The following FADS2 variants were observed in gnomAD, a reference collection of about 807,000 sequenced individuals.
FADS2 encodes the protein acyl-CoA 6-desaturase.
FADS2 carries 18 observed loss-of-function variants against 61.2 expected under a neutral mutation model. The observed-to-expected ratio is 0.29, with a 90% CI of 0.20 to 0.44. FADS2 has a LOEUF of 0.44. FADS2 is among the 20% of genes least tolerant of loss of function. FADS2 has a pLI of 1.00. For missense variants in FADS2, 322 were observed against 572.7 expected, an observed-to-expected ratio of 0.56 and a Z score of 4.47; for synonymous variants, 203 against 223.9, an observed-to-expected ratio of 0.91 and a Z score of 0.83.
chr11:61,820,873 C>T (rs2067031921), intron 1 of FADS2, among the ~76,000 whole-genome samples: 1 of 152,112 alleles, frequency 6.6e-6, no homozygotes, highest in South Asian at 2.1e-4. Context: ...GCACTCCAGC[C>T]TGGGTGACAG....
Position 61,853,282 on chromosome 11 carries a change from CCCTCCCTCCCTT to C in FADS2, c.745-3725_745-3714del, listed in dbSNP as rs2067325345. On this transcript the variant is annotated intron_variant, in intron 5 of 11. Coordinates refer to ENST00000278840, the MANE Select transcript of FADS2 (RefSeq NM_004265.4). The stretch of plus-strand genomic sequence containing the variant: ...CTTTCTCTCCCTCCCTCCCTTCCCT[CCCTCCCTCCCTT>C]CCTTCCTTCCTTCCTTCCTTCCTTC... Among the ~76,000 whole-genome samples the C allele has an allele frequency of 1.1e-4, 7 of 61,464 alleles. No homozygotes were observed. In the South Asian group the frequency reaches 3.3e-3, roughly 29 times the overall value. The allele number at this position is 61,464 out of a possible 152,430, so 40.3% of individuals were successfully genotyped here.
intron 1 of FADS2, among the ~76,000 whole-genome samples, chr11:61,821,839 A>T (rs915286542): frequency 3.9e-5 from 6 of 152,244 alleles, no homozygotes; most frequent in African/African-American, 1.4e-4. Context: ...GGAGAATCCC[A>T]ATCATACCTC....
chr11:61,863,202 G>A, intron 8 of FADS2, 80 bp from the exon 9 acceptor site: 3 of 1,448,194 alleles, frequency 2.1e-6, no homozygotes, highest in South Asian at 1.1e-5. Context: ...GGGCTGTCCT[G>A]GGCTGGTTGG....
At chr11:61,817,060 A>G (rs2066992997) in intron 1 of FADS2, 3 of 1,108,230 alleles carry the variant, frequency 2.7e-6, no homozygotes, top group Admixed American at 8.4e-5. Context: ...CGACTTCCTG[A>G]CGTCAGGCGG....
chr11:61,857,259 G>A (rs2067368148), intron 6 of FADS2, among the ~76,000 whole-genome samples, 188 bp downstream of exon 6: 1 of 152,130 alleles, frequency 6.6e-6, no homozygotes. Context: ...GGGACACAGA[G>A]GCTCAGAGAG....
upstream of FADS2, among the ~76,000 whole-genome samples, chr11:61,826,801 C>T (rs2067090103): frequency 6.6e-6 from 1 of 152,008 alleles, no homozygotes; most frequent in South Asian, 2.1e-4. Context: ...CCCCCAAGTA[C>T]AACCCCACCA....
At chr11:61,861,693 C>T (rs2067418078) in intron 7 of FADS2, among the ~76,000 whole-genome samples, 2 of 152,222 alleles carry the variant, frequency 1.3e-5, no homozygotes, top group Non-Finnish European at 1.5e-5. Flanking sequence ...AGGCCATCTC[C>T]AGCCTCTCCT....
At position 61,857,192 on chromosome 11, in the gene FADS2, C is replaced by T. The variant is rs546519523; in HGVS notation, c.805+121C>T. On this transcript the variant is annotated intron_variant, in intron 6 of 11. Transcript: ENST00000278840. Reference sequence around the variant, plus strand: ...AAAGTGACACTAAACTTGTTAGAAGCGGGGGCCACAGCAGCCTTGCTGTGC... The same window carrying T: ...AAAGTGACACTAAACTTGTTAGAAGTGGGGGCCACAGCAGCCTTGCTGTGC... The T allele has an allele frequency of 1.4e-4, 129 of 910,710 alleles. No homozygotes were observed. The East Asian group carries it at 1.7e-3, about 12-fold the overall frequency. 56.4% of individuals were successfully genotyped at this position (910,710 alleles called of 1,614,324 possible).
At chr11:61,847,104 TTG>T (rs1445948786) in intron 4 of FADS2, 1 of 152,018 alleles carries the variant, frequency 6.6e-6, no homozygotes, top group Non-Finnish European at 1.5e-5. Flanking sequence ...CGGCTAATTT[TTG>T]TATTTTTAGT....
chr11:61,824,395 AGAG>A (rs1369323395), upstream of FADS2, among the ~76,000 whole-genome samples: 3 of 2,360 alleles, frequency 1.3e-3, no homozygotes, highest in Non-Finnish European at 2.6e-3. Flanking sequence ...GGAAAAAAAA[AGAG>A]AGAGAGAGAG....
At position 61,828,667 on chromosome 11, in the gene FADS2, G is replaced by A; in HGVS notation, c.207+70G>A. On this transcript the variant is annotated intron_variant, in intron 1 of 11. Transcript: ENST00000278840. The surrounding 1 kb of genome is among the most constrained non-coding windows in gnomAD (Gnocchi z 6.4). ...GGAGTCAGGATCCCTGGCTCCCCGT[G>A]GGCCAAACAGACCTCCGGCGCTGAA... 1 of 1,412,974 alleles carries A rather than the reference G, an allele frequency of 7.1e-7. No homozygotes were observed. Among genetic ancestry groups the A allele is most frequent in the Non-Finnish European group, 9.8e-7 (1 of 1,025,482 alleles). The allele number at this position is 1,412,974 out of a possible 1,614,324, so 87.5% of individuals were successfully genotyped here. A position where few individuals can be genotyped will look rare whatever the true frequency, so the allele number is the denominator to read the frequency against.
At position 61,861,371 on chromosome 11, in the gene FADS2, A is replaced by AAAAAAAAAAAAAAAAAAAC. The variant is rs1555078396; in HGVS notation, c.883-1601_883-1600insAAAAAAAAAAAAAAAAAAC. Among the ~76,000 whole-genome samples the AAAAAAAAAAAAAAAAAAAC allele has an allele frequency of 1.5e-4, 16 of 106,526 alleles. 1 individual carries two copies. The highest frequency in any genetic ancestry group is 2.5e-4 in the South Asian group (1 of 3,956). The allele number at this position is 106,526 out of a possible 152,430, so 69.9% of individuals were successfully genotyped here. A position where few individuals can be genotyped will look rare whatever the true frequency, so the allele number is the denominator to read the frequency against. On this transcript the variant is annotated intron_variant, in intron 7 of 11. Coordinates refer to ENST00000278840, the MANE Select transcript of FADS2 (RefSeq NM_004265.4). ...TCCCTCTCAAAAAAAAAAAAAAAAA[A>AAAAAAAAAAAAAAAAAAAC]CAGAAATTAGCTACTCGGGAGGCTG...
chr11:61,862,897 G>A (rs867612380), intron 7 of FADS2, 75 bp from the exon 8 acceptor site: 2 of 1,167,604 alleles, frequency 1.7e-6, no homozygotes, highest in South Asian at 2.5e-5. Flanking sequence ...TGAGGTGTGT[G>A]CACATCTGGG....
At position 61,820,250 on chromosome 11, in the gene FADS2, G is replaced by A. The variant is rs1433317377; in HGVS notation, c.141+3824G>A. Among the ~76,000 whole-genome samples, 3 of 152,018 alleles carry A rather than the reference G, an allele frequency of 2.0e-5. No individual in the cohort carries two copies. In the East Asian group the frequency reaches 5.8e-4, roughly 30 times the overall value. On this transcript the variant is annotated intron_variant, in intron 1 of 11. Coordinates refer to the FADS2 transcript ENST00000257261. ...GTGTTTTATTTAACATTTGTGGGGT[G>A]TCTCCTCTTTGTATTCCCAGCACCT...
At chr11:61,821,320 G>T in intron 1 of FADS2, 1 of 672,326 alleles carries the variant, frequency 1.5e-6, no homozygotes, top group South Asian at 1.6e-5. Context: ...AGGAGTTGGA[G>T]ACCAGCCTAG....
rs1026512021 is a variant in FADS2 at position 61,840,559 on chromosome 11, A to G, written c.516+28A>G. ...GAGGCGTGACACCCTCACTTCCCCT[A>G]GCTGACAGAGGCCTGGTGCCTGTTT... On this transcript the variant is annotated intron_variant, in intron 3 of 11. Coordinates refer to ENST00000278840, the MANE Select transcript of FADS2 (RefSeq NM_004265.4). 2.5e-6 allele frequency: 4 copies of G among 1,613,512 alleles called. No homozygotes were observed. In the Admixed American group the frequency reaches 5.0e-5, roughly 20 times the overall value.
At chr11:61,838,315 T>C (rs1347316658) in intron 2 of FADS2, among the ~76,000 whole-genome samples, 1 of 152,204 alleles carries the variant, frequency 6.6e-6, no homozygotes, top group Non-Finnish European at 1.5e-5. Context: ...CCCTGGGTGC[T>C]GGGCTTCCAG....
chr11:61,848,008 T>C, intron 4 of FADS2, 151 bp from the exon 5 acceptor site: 1 of 828,122 alleles, frequency 1.2e-6, no homozygotes, highest in Non-Finnish European at 1.9e-6. Context: ...AGCTCAGTCA[T>C]GGCAGGGCTG....
At chr11:61,852,075 T>C (rs912580338) in intron 5 of FADS2, among the ~76,000 whole-genome samples, 4 of 152,166 alleles carry the variant, frequency 2.6e-5, no homozygotes, top group African/African-American at 7.2e-5. Flanking sequence ...TGAGGTGGCA[T>C]TGCTTCTTCA....
Sources: allele counts gnomAD v4.1 joint callset (sites outside exome capture counted in the v4.1 genomes callset), GRCh38; gene constraint gnomAD v4.1.1; non-coding constraint Gnocchi (gnomAD v3.1); transcripts MANE v1.5; gene names NCBI Gene and HGNC (gene_info 2026-07-23, HGNC 2026-07-21).